WDR7: variants seen among roughly 807,000 people sequenced by gnomAD.
The protein encoded by WDR7 is WD repeat-containing protein 7.
Under a neutral mutation model 169.4 loss-of-function variants are expected in WDR7, and 46 were observed. That is an observed-to-expected ratio of 0.27 (90% CI 0.21 to 0.35). The LOEUF (loss-of-function observed/expected upper bound fraction) is 0.35. Ranked by LOEUF, WDR7 falls within the 10% of genes least tolerant of loss-of-function variation. WDR7 has a pLI of 1.00. For missense variants in WDR7, 1,534 were observed against 1,859.3 expected (o/e 0.83, Z 3.22); for synonymous variants, 612 against 666.8 (o/e 0.92, Z 1.27).
At chr18:56,741,642 A>C (rs762223069) in intron 14 of WDR7, among the ~76,000 whole-genome samples, 21 of 152,300 alleles carry the variant, frequency 1.4e-4, no homozygotes, top group Middle Eastern at 6.8e-3. Context: ...AGAGTTTGGG[A>C]TGGATACTTT....
intron 20 of WDR7, among the ~76,000 whole-genome samples, chr18:56,850,209 T>C (rs139171787): frequency 1.2e-4 from 18 of 152,364 alleles, no homozygotes; most frequent in African/African-American, 4.3e-4. Context: ...TGGTACATAA[T>C]TCAGTTTTAT....
chr18:56,831,513 G>A (rs1173388579), intron 20 of WDR7, among the ~76,000 whole-genome samples: 26 of 152,126 alleles, frequency 1.7e-4, no homozygotes, highest in Admixed American at 1.7e-3. Context: ...GCTTGAAATG[G>A]CATTTGTTTA....
intron 2 of WDR7, 28 bp from the exon 3 acceptor site, chr18:56,679,304 T>C (rs1240259563): frequency 6.3e-7 from 1 of 1,581,722 alleles, no homozygotes; most frequent in African/African-American, 1.3e-5. Flanking sequence ...AGTTTGGTAC[T>C]TAAACTAGCA....
At chr18:56,859,375 C>T (rs2045769608) in intron 20 of WDR7, among the ~76,000 whole-genome samples, 1 of 152,100 alleles carries the variant, frequency 6.6e-6, no homozygotes, top group Admixed American at 6.5e-5. Flanking sequence ...GCCTGGTTTG[C>T]CTCCTGGCCC....
At chr18:56,799,213 A>C (rs2044631804) in intron 19 of WDR7, among the ~76,000 whole-genome samples, 1 of 152,200 alleles carries the variant, frequency 6.6e-6, no homozygotes, top group Non-Finnish European at 1.5e-5. Context: ...GGTGCCAAGG[A>C]ATTCATTTAA....
At chr18:56,744,691 A>G (rs994611865) in intron 14 of WDR7, among the ~76,000 whole-genome samples, 10 of 152,076 alleles carry the variant, frequency 6.6e-5, no homozygotes, top group Non-Finnish European at 1.3e-4. Context: ...TTTTGAGACT[A>G]CTGGCACCTG....
intron 21 of WDR7, among the ~76,000 whole-genome samples, chr18:56,891,601 C>A (rs2145526020): frequency 6.6e-6 from 1 of 152,130 alleles, no homozygotes; most frequent in East Asian, 1.9e-4. Flanking sequence ...AGTATTATCA[C>A]CATTTTGTAT....
intron 20 of WDR7, among the ~76,000 whole-genome samples, chr18:56,859,812 T>G (rs2045776950): frequency 6.6e-6 from 1 of 152,226 alleles, no homozygotes; most frequent in Admixed American, 6.5e-5. Flanking sequence ...CTTCTTCATA[T>G]GGCTTCTACT....
chr18:56,964,162 T>C (rs2145779197), intron 26 of WDR7, among the ~76,000 whole-genome samples: 1 of 149,996 alleles, frequency 6.7e-6, no homozygotes, highest in East Asian at 2.0e-4. Context: ...TATATTTCTG[T>C]ATTTTTCTTC....
At chr18:56,946,652 C>T (rs2145723820) in intron 25 of WDR7, among the ~76,000 whole-genome samples, 1 of 151,976 alleles carries the variant, frequency 6.6e-6, no homozygotes, top group Middle Eastern at 3.4e-3. Context: ...AGAAGCTTCC[C>T]TAAGTCCTTT....
intron 26 of WDR7, among the ~76,000 whole-genome samples, chr18:57,000,679 T>C (rs896473122): frequency 5.9e-5 from 9 of 152,248 alleles, no homozygotes; most frequent in African/African-American, 1.9e-4. Flanking sequence ...AGGAAGTGCA[T>C]GATTGTATTA....
intron 13 of WDR7, among the ~76,000 whole-genome samples, chr18:56,722,181 G>A (rs2026337113): frequency 6.6e-6 from 1 of 152,132 alleles, no homozygotes; most frequent in Non-Finnish European, 1.5e-5. Flanking sequence ...TGTGTTTCAG[G>A]GGCTCAGATT....
chr18:56,917,565 G>A (rs1193086890), intron 21 of WDR7, among the ~76,000 whole-genome samples: 1 of 152,170 alleles, frequency 6.6e-6, no homozygotes, highest in Admixed American at 6.5e-5. Context: ...GCATGTGTGT[G>A]GGTGTGTGTT....
chr18:56,801,663 G>A (rs1221935490), intron 19 of WDR7, among the ~76,000 whole-genome samples: 1 of 152,014 alleles, frequency 6.6e-6, no homozygotes, highest in Non-Finnish European at 1.5e-5. Flanking sequence ...CATCCTTACA[G>A]TTTTTCCTTT....
At chr18:56,747,637 A>G (rs1012357901) in intron 14 of WDR7, among the ~76,000 whole-genome samples, 1 of 152,058 alleles carries the variant, frequency 6.6e-6, no homozygotes, top group Non-Finnish European at 1.5e-5. Flanking sequence ...AGCCAAACTG[A>G]CCTGAAGGGT....
At chr18:56,992,343 G>A (rs1281495974) in intron 26 of WDR7, among the ~76,000 whole-genome samples, 1 of 152,202 alleles carries the variant, frequency 6.6e-6, no homozygotes, top group African/African-American at 2.4e-5. Flanking sequence ...TCTTTATGAT[G>A]ATGAAATTAT....
At chr18:56,980,012 C>T (rs896571755) in intron 26 of WDR7, among the ~76,000 whole-genome samples, 8 of 152,160 alleles carry the variant, frequency 5.3e-5, no homozygotes, top group African/African-American at 1.7e-4. Flanking sequence ...CTTTTTTCTG[C>T]CAAAGCCACA....
At chr18:56,752,465 C>T (rs17090345) in intron 14 of WDR7, among the ~76,000 whole-genome samples, 13,096 of 152,110 alleles carry the variant, frequency 0.086, 664 homozygotes, top group East Asian at 0.19. Context: ...CACCATTCAT[C>T]CAACATTATA....
chr18:56,694,561 G>A (rs1019049093), intron 9 of WDR7, 58 bp from the exon 10 acceptor site: 2 of 1,517,446 alleles, frequency 1.3e-6, no homozygotes, highest in Middle Eastern at 1.8e-4. Flanking sequence ...AAGCATTAAT[G>A]TGTGAAATAT....
Sources: gnomAD v4.1 joint callset for allele counts (sites outside exome capture counted in the v4.1 genomes callset) on GRCh38, gnomAD v4.1.1 for gene constraint, MANE v1.5 for transcripts, NCBI Gene and HGNC (gene_info 2026-07-23, HGNC 2026-07-21) for gene names.